Variants in TF observed in about 807,000 individuals in gnomAD.
TF encodes the protein transferrin.
A neutral mutation model predicts 82.4 loss-of-function variants in TF; 55 were observed. The ratio of observed to expected loss-of-function variants is 0.67; its 90% CI spans 0.54 to 0.84. The LOEUF (loss-of-function observed/expected upper bound fraction) is 0.84. Among genes scored for constraint, TF ranks in the 40% least tolerant of loss-of-function variants. The pLI, the probability that TF is intolerant of heterozygous loss-of-function variation, is 0.00. For synonymous variants in TF, 332 were observed against 332.6 expected (o/e 1.00, Z 0.02); for missense variants, 737 against 868.4 (o/e 0.85, Z 1.90).
the TF span, among the ~76,000 whole-genome samples, chr3:133,734,959 T>G: frequency 6.6e-6 from 1 of 152,230 alleles, no homozygotes; most frequent in Non-Finnish European, 1.5e-5. Context: ...GAAAGAGATT[T>G]AAGAGTTAAA....
chr3:133,729,121 G>A, the TF span, among the ~76,000 whole-genome samples: 1 of 152,196 alleles, frequency 6.6e-6, no homozygotes, highest in African/African-American at 2.4e-5. Context: ...GGGGTCACTT[G>A]AGGAGGCAGT....
At chr3:133,741,306 T>C (rs1933385160), upstream of TF, among the ~76,000 whole-genome samples, 1 of 152,194 alleles carries the variant, frequency 6.6e-6, no homozygotes. Flanking sequence ...ACTCATTTAT[T>C]CTAAGGTATA....
upstream of TF, among the ~76,000 whole-genome samples, chr3:133,745,333 G>A (rs1333901443): frequency 6.6e-6 from 1 of 152,208 alleles, no homozygotes; most frequent in Non-Finnish European, 1.5e-5. Context: ...TTCGTGGAAG[G>A]AATCTTGACC....
chr3:133,679,060 A>G, the TF span, among the ~76,000 whole-genome samples: 1 of 151,998 alleles, frequency 6.6e-6, no homozygotes, highest in Admixed American at 6.5e-5. Context: ...TTTAGTAGAG[A>G]TGGGGTTTCA....
chr3:133,770,932 G>A (rs998427456), intron 14 of TF: 4 of 325,360 alleles, frequency 1.2e-5, no homozygotes, highest in East Asian at 1.4e-4. Flanking sequence ...TTTAATACTC[G>A]TCACGTCCAC....
the TF span, among the ~76,000 whole-genome samples, chr3:133,687,548 G>T: frequency 1.3e-5 from 2 of 152,082 alleles, no homozygotes; most frequent in Non-Finnish European, 2.9e-5. Flanking sequence ...CACCCTAAAA[G>T]AAAACCACAT....
intron 13 of TF, among the ~76,000 whole-genome samples, chr3:133,768,918 T>C (rs1576365336): frequency 6.7e-6 from 1 of 150,026 alleles, no homozygotes; most frequent in Non-Finnish European, 1.5e-5. Context: ...TCAGCCTCCC[T>C]AGTAGCTGGG....
the TF span, among the ~76,000 whole-genome samples, chr3:133,675,598 C>T: frequency 6.6e-6 from 1 of 152,212 alleles, no homozygotes; most frequent in Non-Finnish European, 1.5e-5. Flanking sequence ...GGGGAACTGG[C>T]AGATCCTGAC....
At chr3:133,739,849 A>G in the TF span, among the ~76,000 whole-genome samples, 2 of 152,208 alleles carry the variant, frequency 1.3e-5, no homozygotes, top group East Asian at 3.8e-4. Flanking sequence ...GCTGGAGAGG[A>G]TGTGGAGAAA....
At chr3:133,670,955 T>G in the TF span, among the ~76,000 whole-genome samples, 15 of 152,038 alleles carry the variant, frequency 9.9e-5, no homozygotes, top group African/African-American at 3.6e-4. Flanking sequence ...AAAACAGAAG[T>G]GGAGGCAAGA....
rs2107955504 is a variant in TF at position 133,792,858 on chromosome 3, GT to G, written c.*14239del. 1 of 152,120 alleles carries G rather than the reference GT, an allele frequency of 6.6e-6. No individual in the cohort carries two copies. The highest frequency in any genetic ancestry group is 1.9e-4 in the East Asian group (1 of 5,194). 9.4% of individuals were successfully genotyped at this position (152,120 alleles called of 1,614,324 possible). A position where few individuals can be genotyped will look rare whatever the true frequency, so the allele number is the denominator to read the frequency against. On this transcript the variant is annotated 3_prime_UTR_variant, in exon 17 of 17. Transcript: ENST00000402696. ...GAACATATTGACTAAATTTAAAGGGGTATTTTCTGGTTTTTCCATAAATTGA... is the reference window on the plus strand; with the variant it reads ...GAACATATTGACTAAATTTAAAGGGGATTTTCTGGTTTTTCCATAAATTGA...
chr3:133,765,027 G>A (rs1484734100), intron 11 of TF, 120 bp downstream of exon 11: 1 of 952,902 alleles, frequency 1.0e-6, no homozygotes, highest in Non-Finnish European at 1.7e-6. Flanking sequence ...CACAATGCGA[G>A]AGAATCATGG....
intron 14 of TF, among the ~76,000 whole-genome samples, chr3:133,771,207 C>T (rs889592044): frequency 2.6e-5 from 4 of 152,144 alleles, no homozygotes; most frequent in Non-Finnish European, 5.9e-5. Flanking sequence ...ATGGGACACT[C>T]AAAGCATACA....
In TF at chr3:133,782,093, T is replaced by C. The variant is rs1358804163; in HGVS notation, c.*3473T>C. 2.0e-5 allele frequency: 3 copies of C among 152,152 alleles called. No individual in the cohort carries two copies. The highest frequency in any genetic ancestry group is 2.0e-4 in the Admixed American group (3 of 15,276). The allele number at this position is 152,152 out of a possible 1,614,324, so 9.4% of individuals were successfully genotyped here. On this transcript the variant is annotated 3_prime_UTR_variant, in exon 17 of 17. Transcript: ENST00000402696. ...AGGGAAATGTGAATTGAAACCATTA[T>C]GAGACACTAGATAATAATAGGATGA...
chr3:133,663,718 C>T, the TF span, among the ~76,000 whole-genome samples: 1 of 152,170 alleles, frequency 6.6e-6, no homozygotes, highest in South Asian at 2.1e-4. Context: ...TGACACACCA[C>T]ACTGCTCCTG....
At chr3:133,714,942 C>T in the TF span, among the ~76,000 whole-genome samples, 1 of 152,070 alleles carries the variant, frequency 6.6e-6, no homozygotes, top group Non-Finnish European at 1.5e-5. Flanking sequence ...CTCGGCCTCC[C>T]AAAGTGCTGG....
chr3:133,681,765 C>T, the TF span, among the ~76,000 whole-genome samples: 470 of 152,342 alleles, frequency 3.1e-3, 3 homozygotes, highest in South Asian at 9.3e-3. Flanking sequence ...GTAGACTCCA[C>T]CTCTGGGGGC....
the TF span, among the ~76,000 whole-genome samples, chr3:133,736,705 T>TA: frequency 4.9e-5 from 7 of 142,764 alleles, no homozygotes; most frequent in Admixed American, 2.1e-4. Context: ...CAACAAAGAT[T>TA]AAAAAAAAGA....
chr3:133,731,022 C>T, the TF span, among the ~76,000 whole-genome samples: 1 of 152,358 alleles, frequency 6.6e-6, no homozygotes, highest in Admixed American at 6.5e-5. Flanking sequence ...TAGAAACCAA[C>T]AGTTGACACC....
Sources: allele counts gnomAD v4.1 joint callset (sites outside exome capture counted in the v4.1 genomes callset), GRCh38; gene constraint gnomAD v4.1.1; transcripts MANE v1.5; gene names NCBI Gene and HGNC (gene_info 2026-07-23, HGNC 2026-07-21).